ZMAT4: variants seen among roughly 807,000 people sequenced by gnomAD.
ZMAT4 encodes zinc finger matrin-type 4, also known as zinc finger matrin-type protein 4.
ZMAT4 carries 17 observed loss-of-function variants against 28.7 expected under a neutral mutation model. That is an observed-to-expected ratio of 0.59 (90% CI 0.41 to 0.89). ZMAT4 has a LOEUF of 0.89. ZMAT4 is among the 40% of genes least tolerant of loss of function. ZMAT4 has a pLI of 0.00. For missense variants in ZMAT4, 240 were observed against 283.8 expected, an observed-to-expected ratio of 0.85 and a Z score of 1.11; for synonymous variants, 117 against 109.2, an observed-to-expected ratio of 1.07 and a Z score of -0.44.
chr8:40,565,759 T>A (rs1466080428), intron 6 of ZMAT4, among the ~76,000 whole-genome samples: 2 of 87,056 alleles, frequency 2.3e-5, no homozygotes, highest in Non-Finnish European at 6.1e-5. Context: ...CCAGGCTACC[T>A]TTTTTTTTTT....
chr8:40,781,028 C>T (rs966668980), intron 2 of ZMAT4, among the ~76,000 whole-genome samples: 1 of 152,100 alleles, frequency 6.6e-6, no homozygotes, highest in African/African-American at 2.4e-5. Context: ...AGGTTCACAA[C>T]AGGACAATTA....
intron 2 of ZMAT4, among the ~76,000 whole-genome samples, chr8:40,806,993 C>A (rs1016345629): frequency 7.3e-5 from 11 of 151,664 alleles, no homozygotes; most frequent in African/African-American, 2.4e-4. Context: ...TTTGGCTGAC[C>A]TAAATATAAG....
chr8:40,847,299 C>A lies in ZMAT4; in HGVS notation c.-4-21619G>T, dbSNP rs574514893. 2.0e-5 allele frequency among the ~76,000 whole-genome samples: 3 copies of A among 151,660 alleles called. No individual in the cohort carries two copies. The East Asian group carries it at 5.8e-4, about 29-fold the overall frequency. On this transcript the variant is annotated intron_variant, in intron 1 of 6. Coordinates refer to ENST00000297737, the MANE Select transcript of ZMAT4 (RefSeq NM_024645.3). ...TTTCAGCCTCTCCCTCTAAAAAATGCGTAGAGTCATATTTGCCGTTGATTA... is the reference window on the plus strand; with the variant it reads ...TTTCAGCCTCTCCCTCTAAAAAATGAGTAGAGTCATATTTGCCGTTGATTA...
At chr8:40,727,032 T>C (rs1020983958) in intron 3 of ZMAT4, among the ~76,000 whole-genome samples, 1 of 152,132 alleles carries the variant, frequency 6.6e-6, no homozygotes, top group Non-Finnish European at 1.5e-5. Context: ...TACTTTCAAG[T>C]ACAAGTACAA....
At chr8:40,570,479 G>C (rs1804059718) in intron 6 of ZMAT4, among the ~76,000 whole-genome samples, 2 of 152,072 alleles carry the variant, frequency 1.3e-5, no homozygotes, top group South Asian at 4.1e-4. Flanking sequence ...CAGGAGGATT[G>C]CTTGAGACAA....
At chr8:40,562,517 C>A (rs1015513670) in intron 6 of ZMAT4, among the ~76,000 whole-genome samples, 4 of 152,148 alleles carry the variant, frequency 2.6e-5, no homozygotes, top group Non-Finnish European at 5.9e-5. Flanking sequence ...CAAACCCCTT[C>A]CCCTATGCAT....
At chr8:40,567,919 G>C in intron 6 of ZMAT4, among the ~76,000 whole-genome samples, 1 of 152,192 alleles carries the variant, frequency 6.6e-6, no homozygotes, top group East Asian at 1.9e-4. Context: ...AGATTAGCCA[G>C]AATATACTAT....
chr8:40,732,530 C>A (rs1811584217), intron 3 of ZMAT4, among the ~76,000 whole-genome samples: 1 of 152,242 alleles, frequency 6.6e-6, no homozygotes, highest in Non-Finnish European at 1.5e-5. Flanking sequence ...ATCCAGGACT[C>A]TTCTCCCTGG....
chr8:40,773,296 C>A (rs778870215), intron 2 of ZMAT4, among the ~76,000 whole-genome samples: 17 of 152,208 alleles, frequency 1.1e-4, no homozygotes, highest in Non-Finnish European at 1.2e-4. Flanking sequence ...AACTCCTCTG[C>A]TGGAAGACCC....
At chr8:40,576,655 T>C (rs543649030) in intron 6 of ZMAT4, among the ~76,000 whole-genome samples, 41 of 151,710 alleles carry the variant, frequency 2.7e-4, no homozygotes, top group Non-Finnish European at 5.1e-4. Context: ...TTACAAAAAA[T>C]GTTTAAGGAA....
intron 5 of ZMAT4, among the ~76,000 whole-genome samples, chr8:40,653,698 T>C (rs10092271): frequency 0.014 from 2,088 of 152,144 alleles, 39 homozygotes; most frequent in African/African-American, 0.048. Flanking sequence ...AGAAAGAAAC[T>C]ACCAAAACTG....
At chr8:40,667,135 TC>T (rs1278237170) in intron 5 of ZMAT4, among the ~76,000 whole-genome samples, 1 of 151,542 alleles carries the variant, frequency 6.6e-6, no homozygotes, top group Non-Finnish European at 1.5e-5. Context: ...CGCAATAATT[TC>T]TTTTTTTTTT....
intron 3 of ZMAT4, among the ~76,000 whole-genome samples, chr8:40,703,471 A>C (rs1810230267): frequency 6.6e-6 from 1 of 152,222 alleles, no homozygotes; most frequent in African/African-American, 2.4e-5. Flanking sequence ...AAGCCAATCC[A>C]TCACAAAAGA....
chr8:40,638,386 C>A (rs914985062), intron 5 of ZMAT4, among the ~76,000 whole-genome samples: 1 of 152,170 alleles, frequency 6.6e-6, no homozygotes, highest in African/African-American at 2.4e-5. Flanking sequence ...ACACATCTTA[C>A]ATTTGTCTTT....
intron 3 of ZMAT4, among the ~76,000 whole-genome samples, chr8:40,719,890 G>A (rs543504034): frequency 3.4e-4 from 51 of 152,202 alleles, no homozygotes; most frequent in Non-Finnish European, 6.0e-4. Context: ...GCCTTTTAAT[G>A]TGCTTGCTCT....
Position 40,842,684 on chromosome 8 carries a change from A to G in ZMAT4, c.-4-17004T>C, listed in dbSNP as rs1217362694. On this transcript the variant is annotated intron_variant, in intron 1 of 6. Transcript: ENST00000297737. ...TTCTCATCACTTAATTCCACTTTGAATTTCTGCAAGAAGAAGGTAATAATG... is the reference window on the plus strand; with the variant it reads ...TTCTCATCACTTAATTCCACTTTGAGTTTCTGCAAGAAGAAGGTAATAATG... Among the ~76,000 whole-genome samples the G allele has an allele frequency of 6.6e-5, 10 of 152,210 alleles. No individual in the cohort carries two copies. In the East Asian group the frequency reaches 1.7e-3, roughly 26 times the overall value.
At chr8:40,746,907 A>G (rs1812259995) in intron 3 of ZMAT4, among the ~76,000 whole-genome samples, 2 of 152,076 alleles carry the variant, frequency 1.3e-5, no homozygotes, top group South Asian at 4.2e-4. Context: ...ACCCAGTAAA[A>G]GCCTGTGCAC....
chr8:40,561,542 C>A (rs1472777919), intron 6 of ZMAT4, among the ~76,000 whole-genome samples: 1 of 152,068 alleles, frequency 6.6e-6, no homozygotes, highest in Non-Finnish European at 1.5e-5. Context: ...GAGGTCCCAG[C>A]TGGTGCTCAG....
At chr8:40,749,249 T>C (rs925327273) in intron 3 of ZMAT4, among the ~76,000 whole-genome samples, 1 of 152,098 alleles carries the variant, frequency 6.6e-6, no homozygotes, top group Non-Finnish European at 1.5e-5. Context: ...GATCATCTGG[T>C]CCACTGGAAA....
Sources: allele counts gnomAD v4.1 joint callset (sites outside exome capture counted in the v4.1 genomes callset), GRCh38; gene constraint gnomAD v4.1.1; transcripts MANE v1.5; gene names NCBI Gene and HGNC (gene_info 2026-07-23, HGNC 2026-07-21).